Variants in CSMD2 observed in about 807,000 individuals in gnomAD.
CSMD2 encodes CUB and Sushi multiple domains 2, also known as CUB and sushi domain-containing protein 2.
Under a neutral mutation model 398.5 loss-of-function variants are expected in CSMD2, and 130 were observed. That is an observed-to-expected ratio of 0.33 (90% confidence interval 0.28 to 0.38). The LOEUF is 0.38. Ranked by LOEUF, CSMD2 falls within the 10% of genes least tolerant of loss-of-function variation. The probability of loss-of-function intolerance (pLI) is 1.00; values close to 1 mark genes in which losing one functional copy is unlikely to be tolerated. For synonymous variants in CSMD2, 1,828 were observed against 1,908.5 expected (o/e 0.96, Z 1.10); for missense variants, 3,829 against 4,764.9 (o/e 0.80, Z 5.78).
Position 33,586,594 on chromosome 1 carries a change from G to A in CSMD2, c.6961C>T (p.Leu2321Phe), listed in dbSNP as rs890844454. ...TTCCCCACTAAGGTAAAGCCAGGGAGGCATCTGTAGCGTACGATGTCACCT... is the reference window on the plus strand; with the variant it reads ...TTCCCCACTAAGGTAAAGCCAGGGAAGCATCTGTAGCGTACGATGTCACCT... ...NIGDIVRYRC[L>F]PGFTLVGNEI... The change falls in exon 46 of 71, where the codon CTC (leucine) becomes TTC (phenylalanine). Residue 2321 changes from leucine (L) to phenylalanine (F), a missense_variant. By Grantham distance (22) the Leu-to-Phe change is conservative. Coordinates refer to ENST00000373381, the MANE Select transcript of CSMD2 (RefSeq NM_001281956.2). 5.6e-6 allele frequency: 9 copies of A among 1,613,262 alleles called. No homozygotes were observed. In the African/African-American group the frequency reaches 9.3e-5, roughly 17 times the overall value.
At position 34,140,284 on chromosome 1, in the gene CSMD2, C is replaced by A. The variant is rs558808729; in HGVS notation, c.187+24627G>T. Among the ~76,000 whole-genome samples, 504 of 116,650 alleles carry A rather than the reference C, an allele frequency of 4.3e-3. 2 individuals are homozygous for A. Among genetic ancestry groups the A allele is most frequent in the East Asian group, 0.029 (122 of 4,262 alleles). 76.5% of individuals were successfully genotyped at this position (116,650 alleles called of 152,430 possible). ...AAGATAATACTCCAGACAGAGGAATCGGCATATGCAAAAAAACAAACAAAC... is the reference window on the plus strand; with the variant it reads ...AAGATAATACTCCAGACAGAGGAATAGGCATATGCAAAAAAACAAACAAAC... On this transcript the variant is annotated intron_variant, in intron 1 of 70. Transcript: ENST00000373381.
At chr1:33,604,244 T>C (rs1450337832) in intron 42 of CSMD2, among the ~76,000 whole-genome samples, 2 of 152,336 alleles carry the variant, frequency 1.3e-5, no homozygotes, top group East Asian at 3.9e-4. Flanking sequence ...CAGCACGTGA[T>C]GGGCCAACAA....
At chr1:34,098,723 G>A (rs1490908881) in intron 1 of CSMD2, among the ~76,000 whole-genome samples, 1 of 151,984 alleles carries the variant, frequency 6.6e-6, no homozygotes, top group Non-Finnish European at 1.5e-5. Flanking sequence ...TTTGGGAAAA[G>A]AATTAAGTTA....
chr1:33,658,445 T>C (rs1307635391), intron 26 of CSMD2, among the ~76,000 whole-genome samples: 1 of 152,262 alleles, frequency 6.6e-6, no homozygotes, highest in Non-Finnish European at 1.5e-5. Flanking sequence ...ATGATTATAC[T>C]GTTATAATTA....
chr1:33,734,677 C>T (rs1034576811), intron 15 of CSMD2, among the ~76,000 whole-genome samples: 6 of 151,150 alleles, frequency 4.0e-5, no homozygotes, highest in Middle Eastern at 3.2e-3. Flanking sequence ...CCCAGCTACT[C>T]GGGAGGCTGA....
intron 1 of CSMD2, among the ~76,000 whole-genome samples, chr1:34,089,596 C>G (rs1386087910): frequency 2.6e-5 from 4 of 152,188 alleles, no homozygotes; most frequent in African/African-American, 9.7e-5. Flanking sequence ...TCCTCTCCCT[C>G]ACTCTCCATA....
chr1:33,591,143 C>T (rs1325074765), intron 44 of CSMD2, among the ~76,000 whole-genome samples: 1 of 151,890 alleles, frequency 6.6e-6, no homozygotes, highest in African/African-American at 2.4e-5. Context: ...CATGCGCCAC[C>T]ACGTCTGGCT....
chr1:33,599,938 G>A, intron 44 of CSMD2: 1 of 582,150 alleles, frequency 1.7e-6, no homozygotes, highest in East Asian at 2.8e-5. Context: ...TACTGTAGCA[G>A]ATACTGCAGC....
chr1:33,602,584 C>G (rs370442316), intron 42 of CSMD2, 38 bp from the exon 43 acceptor site: 10 of 1,489,522 alleles, frequency 6.7e-6, no homozygotes, highest in African/African-American at 4.2e-5. Context: ...TGCAGGGCCT[C>G]GGTACCCACC....
intron 7 of CSMD2, among the ~76,000 whole-genome samples, chr1:33,824,794 G>A (rs1347250092): frequency 6.6e-6 from 1 of 152,084 alleles, no homozygotes; most frequent in Non-Finnish European, 1.5e-5. Context: ...GAGAAAAAGT[G>A]AAGGGAGAGA....
chr1:34,092,956 G>T (rs548284810), intron 1 of CSMD2, among the ~76,000 whole-genome samples: 62 of 152,218 alleles, frequency 4.1e-4, no homozygotes, highest in African/African-American at 1.3e-3. Flanking sequence ...CTGGGGGCAG[G>T]GCACAGACAA....
At chr1:33,553,962 A>G (rs1282329822) in intron 55 of CSMD2, among the ~76,000 whole-genome samples, 1 of 152,028 alleles carries the variant, frequency 6.6e-6, no homozygotes, top group African/African-American at 2.4e-5. Flanking sequence ...CTTCAATTCT[A>G]TGAAGGCTGA....
At chr1:33,658,458 G>C (rs1207366859) in intron 26 of CSMD2, among the ~76,000 whole-genome samples, 1 of 152,212 alleles carries the variant, frequency 6.6e-6, no homozygotes, top group Non-Finnish European at 1.5e-5. Flanking sequence ...TATAATTATA[G>C]AATTGAATTC....
At chr1:33,709,370 T>TTGGCAGGTAGACA in intron 21 of CSMD2, 112 bp from the exon 22 acceptor site, 6 of 855,702 alleles carry the variant, frequency 7.0e-6, no homozygotes, top group Non-Finnish European at 1.1e-5. Context: ...CCTGTCTACC[T>TTGGCAGGTAGACA]GCCAAGGTGC....
chr1:33,677,085 G>T (rs1292972942), intron 25 of CSMD2, among the ~76,000 whole-genome samples: 1 of 152,138 alleles, frequency 6.6e-6, no homozygotes, highest in Non-Finnish European at 1.5e-5. Context: ...AAAAGCAATG[G>T]GAACAAAAGC....
intron 1 of CSMD2, among the ~76,000 whole-genome samples, chr1:34,129,766 T>C (rs1173715320): frequency 6.6e-6 from 1 of 152,240 alleles, no homozygotes; most frequent in African/African-American, 2.4e-5. Flanking sequence ...CCGCTCTGAC[T>C]GGCTCAGTGC....
At chr1:33,884,054 A>AC (rs1641417528) in intron 5 of CSMD2, among the ~76,000 whole-genome samples, 2 of 152,100 alleles carry the variant, frequency 1.3e-5, no homozygotes, top group Non-Finnish European at 2.9e-5. Context: ...CACACAGTGG[A>AC]ATTCCCAGGG....
chr1:33,873,628 A>G (rs1640628784), intron 5 of CSMD2: 1 of 152,216 alleles, frequency 6.6e-6, no homozygotes, highest in Non-Finnish European at 1.5e-5. Context: ...CCAGCAAACA[A>G]TTATGTGAAG....
At chr1:34,066,271 GC>G (rs1335526139) in intron 2 of CSMD2, among the ~76,000 whole-genome samples, 1 of 152,108 alleles carries the variant, frequency 6.6e-6, no homozygotes. Context: ...CTGTATAAGT[GC>G]TAATTTTTAT....
Sources: allele counts gnomAD v4.1 joint callset (sites outside exome capture counted in the v4.1 genomes callset), GRCh38; gene constraint gnomAD v4.1.1; transcripts MANE v1.5; gene names NCBI Gene and HGNC (gene_info 2026-07-23, HGNC 2026-07-21).